SPAG9: variants seen among roughly 807,000 people sequenced by gnomAD.
SPAG9 encodes sperm associated antigen 9.
A neutral mutation model predicts 166.5 loss-of-function variants in SPAG9; 35 were observed. The observed-to-expected ratio is 0.21, with a 90% CI of 0.16 to 0.28. SPAG9 has a LOEUF of 0.28. Ranked by LOEUF, SPAG9 falls within the 10% of genes least tolerant of loss-of-function variation. The pLI, the probability that SPAG9 is intolerant of heterozygous loss-of-function variation, is 1.00. For synonymous variants in SPAG9, 534 were observed against 565.5 expected (o/e 0.94, Z 0.79); for missense variants, 1,235 against 1,603.3 (o/e 0.77, Z 3.92).
rs762005412 is a variant in SPAG9 at position 51,021,247 on chromosome 17, A to G, written c.902T>C (p.Phe301Ser). Residue 301 changes from phenylalanine to serine, a missense_variant, in exon 7 of 30, where the codon TTT becomes TCT. By Grantham distance (155) the Phe-to-Ser change is radical. Around this residue, in one of 6 missense-constraint regions of SPAG9, gnomAD observed 288 missense variants for 323.7 expected, o/e 0.89. Transcript: ENST00000262013. ...DTPLKEENEG[F>S]VKVTDAPNKS... Reference sequence around the variant, plus strand: ...ATTTGGCGCATCTGTAACCTTCACAAATCCTTCGTTTTCTTCCTTTAAGGG... The same window carrying G: ...ATTTGGCGCATCTGTAACCTTCACAGATCCTTCGTTTTCTTCCTTTAAGGG... The G allele has an allele frequency of 1.5e-5, 24 of 1,613,964 alleles. No homozygotes were observed. In the Admixed American group the frequency reaches 2.5e-4, roughly 17 times the overall value.
At chr17:51,018,153 C>A (rs1010517838) in intron 8 of SPAG9, among the ~76,000 whole-genome samples, 3 of 151,886 alleles carry the variant, frequency 2.0e-5, no homozygotes, top group African/African-American at 7.2e-5. Flanking sequence ...AAGTTCAAGA[C>A]CAGTCTGGCC....
intron 2 of SPAG9, among the ~76,000 whole-genome samples, chr17:51,075,195 CAAAAAAAAAAAAAA>C (rs57533555): frequency 3.5e-5 from 1 of 28,950 alleles, no homozygotes; most frequent in Non-Finnish European, 6.4e-5. Context: ...GACTCCATCT[CAAAAAAAAAAAAAA>C]AAAAAAAAAA....
In SPAG9 at chr17:51,091,221, TGA is replaced by T. The variant is rs1421153622; in HGVS notation, c.304-11519_304-11518del. Among the ~76,000 whole-genome samples, 3 of 145,456 alleles carry T rather than the reference TGA, an allele frequency of 2.1e-5. No homozygotes were observed. In the Admixed American group the frequency reaches 2.2e-4, roughly 11 times the overall value. ...CCAGGAGGCAGAGGTTGCAGTGAGC[TGA>T]GAGTGAGCCACTGCACTCCAGCCTG... On this transcript the variant is annotated intron_variant, in intron 1 of 29. Transcript: ENST00000262013.
Position 50,965,062 on chromosome 17 carries a change from A to AT in SPAG9, c.*1209dup, listed in dbSNP as rs894636231. 446 of 142,614 alleles carry AT rather than the reference A, an allele frequency of 3.1e-3. 2 individuals are homozygous for AT. The highest frequency in any genetic ancestry group is 7.5e-3 in the Middle Eastern group (2 of 266). 8.8% of individuals were successfully genotyped at this position (142,614 alleles called of 1,614,324 possible). A position where few individuals can be genotyped will look rare whatever the true frequency, so the allele number is the denominator to read the frequency against. The stretch of plus-strand genomic sequence containing the variant: ...AGGCGTGAGCCACCATGCCCAACCT[A>AT]TTTTTTTTTTTTAATGGGCATTGTG... On this transcript the variant is annotated 3_prime_UTR_variant, in exon 30 of 30. Coordinates refer to ENST00000262013, the MANE Select transcript of SPAG9 (RefSeq NM_001130528.3).
chr17:51,110,580 T>G (rs1469874479), intron 1 of SPAG9, among the ~76,000 whole-genome samples: 2 of 151,958 alleles, frequency 1.3e-5, no homozygotes, highest in South Asian at 4.1e-4. Context: ...TCCCATCTAC[T>G]TGGGAGGCTG....
rs2048110470 is a variant in SPAG9 at position 51,079,722 on chromosome 17, T to C, written c.304-18A>G. On this transcript the variant is annotated intron_variant, in intron 1 of 29. Transcript: ENST00000262013. ...ATGAATTTCTAATAAAGAAGAACAA[T>C]ATAAATTTAATCAGAGAAATTAAAC... 1 of 1,463,974 alleles carries C rather than the reference T, an allele frequency of 6.8e-7. No individual in the cohort carries two copies. Among genetic ancestry groups the C allele is most frequent in the East Asian group, 2.3e-5 (1 of 44,156 alleles). The allele number at this position is 1,463,974 out of a possible 1,614,324, so 90.7% of individuals were successfully genotyped here.
intron 2 of SPAG9, among the ~76,000 whole-genome samples, chr17:51,059,556 A>G (rs1280876713): frequency 1.3e-5 from 2 of 152,110 alleles, no homozygotes. Flanking sequence ...GTTCGAGAAC[A>G]GCCTGGCCAA....
chr17:50,990,339 C>T, intron 20 of SPAG9, 111 bp downstream of exon 20: 1 of 874,544 alleles, frequency 1.1e-6, no homozygotes, highest in South Asian at 1.5e-5. Flanking sequence ...ACAGTATCTT[C>T]TTTCAAGTTC....
At chr17:51,045,333 G>C (rs2046982133) in intron 4 of SPAG9, among the ~76,000 whole-genome samples, 1 of 152,072 alleles carries the variant, frequency 6.6e-6, no homozygotes, top group African/African-American at 2.4e-5. Flanking sequence ...TTTCTTCAAA[G>C]CCTAAATATA....
In SPAG9 at chr17:51,120,680, G is replaced by A. The variant is rs748117337; in HGVS notation, c.-24C>T. On this transcript the variant is annotated 5_prime_UTR_variant, in exon 1 of 30. Transcript: ENST00000262013. This position sits in a 1 kb window ranked among gnomAD's most constrained non-coding sequence, Gnocchi z 4.7. Reference sequence around the variant, plus strand: ...ATGGTGGCAAGCGGACGGGCGGGCGGCCCGGGGCGTCGCCGGCAGAGGGGC... The same window carrying A: ...ATGGTGGCAAGCGGACGGGCGGGCGACCCGGGGCGTCGCCGGCAGAGGGGC... The A allele has an allele frequency of 9.1e-6, 14 of 1,545,290 alleles. No homozygotes were observed. The highest frequency in any genetic ancestry group is 1.1e-5 in the Non-Finnish European group (13 of 1,146,850).
chr17:51,081,888 C>T (rs1057067127), intron 1 of SPAG9, among the ~76,000 whole-genome samples: 1 of 152,016 alleles, frequency 6.6e-6, no homozygotes, highest in African/African-American at 2.4e-5. Flanking sequence ...CTCTTCCTAC[C>T]CTCTTCTCCT....
chr17:50,990,510 T>C lies in SPAG9; in HGVS notation c.2557A>G (p.Thr853Ala), dbSNP rs1975452818. The C allele has an allele frequency of 6.2e-7, 1 of 1,614,234 alleles. No individual in the cohort carries two copies. Among genetic ancestry groups the C allele is most frequent in the Non-Finnish European group, 8.5e-7 (1 of 1,180,036 alleles). Reference sequence around the variant, plus strand: ...GTACTAGGGGAAGTGGCAGCTCCCGTCACACCTTCTGCAGAACAACCAACC... The same window carrying C: ...GTACTAGGGGAAGTGGCAGCTCCCGCCACACCTTCTGCAGAACAACCAACC... The part of the protein sequence containing the change: ...TVVGCSAEGV[T>A]GAATSPSTNG... The change falls in exon 20 of 30, where the codon ACG (threonine) becomes GCG (alanine). Residue 853 changes from threonine to alanine, a missense_variant. Thr to Ala is a moderately conservative substitution (Grantham distance 58). This residue lies in a region of SPAG9 where 493 missense variants were observed against 559.4 expected (regional missense o/e 0.88). Transcript: ENST00000262013.
intron 1 of SPAG9, among the ~76,000 whole-genome samples, chr17:51,089,589 ACTT>A (rs933720213): frequency 1.1e-4 from 15 of 134,948 alleles, no homozygotes; most frequent in Admixed American, 4.7e-4. Flanking sequence ...GTGTATATCT[ACTT>A]ATTATATGTA....
chr17:51,053,909 T>G (rs1207867760), intron 3 of SPAG9, among the ~76,000 whole-genome samples: 1 of 109,296 alleles, frequency 9.1e-6, no homozygotes, highest in Admixed American at 9.6e-5. Context: ...AAAACATATA[T>G]GTATTTATAA....
intron 6 of SPAG9, chr17:51,023,386 G>T: frequency 7.8e-6 from 2 of 255,178 alleles, no homozygotes; most frequent in South Asian, 5.4e-5. Flanking sequence ...TTGCCACATC[G>T]ATTTAGCTAT....
At chr17:51,073,015 C>G (rs1281404913) in intron 2 of SPAG9, among the ~76,000 whole-genome samples, 1 of 152,024 alleles carries the variant, frequency 6.6e-6, no homozygotes, top group Non-Finnish European at 1.5e-5. Flanking sequence ...CATGGCAAAA[C>G]CCTGGCTCTA....
At chr17:51,003,607 T>C (rs1038188199) in intron 12 of SPAG9, among the ~76,000 whole-genome samples, 1 of 152,070 alleles carries the variant, frequency 6.6e-6, no homozygotes, top group Non-Finnish European at 1.5e-5. Flanking sequence ...GAATATAGAG[T>C]GAGCACAGGG....
intron 5 of SPAG9, among the ~76,000 whole-genome samples, chr17:51,037,685 A>ATATATAGTGTGTGTGTGTGTGTGTGT: frequency 1.2e-5 from 1 of 83,492 alleles, no homozygotes; most frequent in African/African-American, 3.9e-5. Flanking sequence ...ATATATATAT[A>ATATATAGTGTGTGTGTGTGTGTGTGT]GTGTGTGTGT....
chr17:51,114,571 A>G (rs1288341196), intron 1 of SPAG9, among the ~76,000 whole-genome samples: 1 of 152,252 alleles, frequency 6.6e-6, no homozygotes, highest in African/African-American at 2.4e-5. Flanking sequence ...CAGAGGTTGC[A>G]GTAAGCCAAG....
Sources: allele counts gnomAD v4.1 joint callset (sites outside exome capture counted in the v4.1 genomes callset), GRCh38; gene constraint gnomAD v4.1.1; regional missense constraint gnomAD v4.1.1; non-coding constraint Gnocchi (gnomAD v3.1); transcripts MANE v1.5; gene names NCBI Gene and HGNC (gene_info 2026-07-23, HGNC 2026-07-21).